AMELX: variants seen among roughly 807,000 people sequenced by gnomAD.
AMELX encodes amelogenin X-linked, also known as amelogenin, X isoform.
AMELX carries 9 observed loss-of-function variants against 15.8 expected under a neutral mutation model. The ratio of observed to expected loss-of-function variants is 0.57; its 90% CI spans 0.34 to 0.99. AMELX has a LOEUF of 0.99. AMELX is among the 50% of genes least tolerant of loss of function. AMELX has a pLI of 0.02. For synonymous variants in AMELX, 61 were observed against 58.8 expected (o/e 1.04, Z -0.17); for missense variants, 107 against 156.2 (o/e 0.68, Z 1.68).
rs373589740 is a variant in AMELX at position 11,300,666 on chromosome X, C to A, written c.*54C>A. The A allele has an allele frequency of 5.6e-5, 62 of 1,104,048 alleles. No individual in the cohort carries two copies. Among genetic ancestry groups the A allele is most frequent in the Non-Finnish European group, 7.2e-5 (58 of 806,228 alleles). The allele number at this position is 1,104,048 out of a possible 1,213,427, so 91.0% of individuals were successfully genotyped here. A position where few individuals can be genotyped will look rare whatever the true frequency, so the allele number is the denominator to read the frequency against. ...ACTTCAGATGCTTTCAGGAGTGACACAAGAACACAATGATTTTTGCTTATA... is the reference window on the plus strand; with the variant it reads ...ACTTCAGATGCTTTCAGGAGTGACAAAAGAACACAATGATTTTTGCTTATA... On this transcript the variant is annotated 3_prime_UTR_variant, in exon 6 of 6. Transcript: ENST00000380714.
chrX:11,294,768 A>T lies in AMELX; in HGVS notation c.-12-9A>T. On this transcript the variant is annotated splice_polypyrimidine_tract_variant and intron_variant, in intron 1 of 5. Transcript: ENST00000380714. The stretch of plus-strand genomic sequence containing the variant: ...AGATAAGAAAAGTGGATGTTGACTT[A>T]CATTTCAGAACCATCAAGAAATGGG... 8.3e-7 allele frequency: 1 copy of T among 1,209,552 alleles called. No individual in the cohort carries two copies. The highest frequency in any genetic ancestry group is 1.1e-6 in the Non-Finnish European group (1 of 893,480).
At chrX:11,308,588 A>G in the AMELX span, among the ~76,000 whole-genome samples, 492 of 111,461 alleles carry the variant, frequency 4.4e-3, 1 homozygote, top group African/African-American at 0.016. Context: ...CCTTGTCCCC[A>G]GTCGTCAGTC....
chrX:11,294,242 G>C (rs753353107), intron 1 of AMELX, among the ~76,000 whole-genome samples: 54 of 112,180 alleles, frequency 4.8e-4, no homozygotes, highest in Non-Finnish European at 9.4e-4. Context: ...CTGAAGTTCT[G>C]TAGATAGGAA....
chrX:11,298,343 G>A, intron 4 of AMELX, 66 bp downstream of exon 4: 1 of 1,139,201 alleles, frequency 8.8e-7, no homozygotes, highest in South Asian at 1.8e-5. Context: ...CCCATATTAA[G>A]TGAAATATCA....
downstream of AMELX, among the ~76,000 whole-genome samples, chrX:11,303,705 G>A (rs188442347): frequency 9.0e-6 from 1 of 111,484 alleles, no homozygotes; most frequent in African/African-American, 3.3e-5. Flanking sequence ...CAGGCTCTGG[G>A]GGTGTCAGTT....
intron 3 of AMELX, 121 bp from the exon 4 acceptor site, chrX:11,298,115 C>T (rs996514040): frequency 5.8e-6 from 7 of 1,210,298 alleles, no homozygotes; most frequent in Non-Finnish European, 7.8e-6. Context: ...CTCACATTCT[C>T]AGGCTATCAA....
At chrX:11,295,214 C>T (rs2048063085) in intron 2 of AMELX, among the ~76,000 whole-genome samples, 1 of 111,597 alleles carries the variant, frequency 9.0e-6, no homozygotes, top group Non-Finnish European at 1.9e-5. Context: ...ACAAATATTA[C>T]AGAGATGCCA....
chrX:11,303,405 G>A (rs1447616118), downstream of AMELX, among the ~76,000 whole-genome samples: 4 of 111,894 alleles, frequency 3.6e-5, no homozygotes, highest in African/African-American at 1.3e-4. Flanking sequence ...AATAAGATTG[G>A]GCTGGGAGTG....
Position 11,294,842 on chromosome X carries a change from T to G in AMELX, c.54T>G (p.Pro18=). The change falls in exon 2 of 6, where the codon CCT becomes CCG. Residue 18 remains proline (P), a splice_region_variant and synonymous_variant. Transcript: ENST00000380714. The part of the protein sequence containing the change: ...ACLLGAAFAM[P]LPPHPGHPGY... ...TCCTGGGAGCAGCTTTTGCCATGCC[T>G]GTGAGTAAAACACCCCTTGCATAAG... 1 of 1,211,476 alleles carries G rather than the reference T, an allele frequency of 8.3e-7. No homozygotes were observed. Among genetic ancestry groups the G allele is most frequent in the South Asian group, 1.8e-5 (1 of 56,993 alleles).
Position 11,298,956 on chromosome X carries a change from A to T in AMELX, c.553A>T (p.Thr185Ser). The change falls in exon 5 of 6, where the codon ACC (threonine) becomes TCC (serine). Residue 185 changes from threonine (T) to serine (S), a missense_variant. By Grantham distance (58) the Thr-to-Ser change is moderately conservative. Coordinates refer to ENST00000380714, the MANE Select transcript of AMELX (RefSeq NM_001142.2). Reference sequence around the variant, plus strand: ...GGAAGCTTGGCCATCAACAGACAAGACCAAGCGGGAGGAAGTGGTGAGTAT... The same window carrying T: ...GGAAGCTTGGCCATCAACAGACAAGTCCAAGCGGGAGGAAGTGGTGAGTAT... ...TLEAWPSTDK[T>S]KREEVD The T allele has an allele frequency of 2.5e-6, 3 of 1,210,134 alleles. No homozygotes were observed. Among genetic ancestry groups the T allele is most frequent in the Non-Finnish European group, 3.4e-6 (3 of 894,859 alleles).
At chrX:11,297,865 T>C (rs1455323694) in intron 3 of AMELX, among the ~76,000 whole-genome samples, 2 of 112,442 alleles carry the variant, frequency 1.8e-5, no homozygotes, top group Non-Finnish European at 3.8e-5. Context: ...TTTGTGTTTG[T>C]TTTGCTCTTA....
the AMELX span, among the ~76,000 whole-genome samples, chrX:11,307,233 A>C: frequency 9.0e-6 from 1 of 111,141 alleles, no homozygotes; most frequent in Non-Finnish European, 1.9e-5. Flanking sequence ...CGCATACAGA[A>C]AGCCCATTTC....
chrX:11,306,719 A>G, the AMELX span, among the ~76,000 whole-genome samples: 1 of 112,540 alleles, frequency 8.9e-6, no homozygotes, highest in African/African-American at 3.2e-5. Context: ...TAAACAATCT[A>G]TAGCTATTTT....
At chrX:11,294,750 A>G (rs2048052758) in intron 1 of AMELX, 27 bp from the exon 2 acceptor site, 1 of 1,198,122 alleles carries the variant, frequency 8.3e-7, no homozygotes, top group East Asian at 3.0e-5. Flanking sequence ...AAGAGATAAG[A>G]AAAGTGGATG....
intron 5 of AMELX, among the ~76,000 whole-genome samples, chrX:11,299,980 T>C (rs2048149078): frequency 8.9e-6 from 1 of 112,269 alleles, no homozygotes; most frequent in East Asian, 2.8e-4. Flanking sequence ...AAAAAAATCA[T>C]AATATATGTC....
At chrX:11,296,739 C>A in intron 2 of AMELX, 40 bp from the exon 3 acceptor site, 2 of 1,156,654 alleles carry the variant, frequency 1.7e-6, no homozygotes, top group Admixed American at 2.2e-5. Context: ...TCTCTCCCTT[C>A]CTCTCTCTTT....
intron 2 of AMELX, 122 bp downstream of exon 2, chrX:11,294,964 T>G: frequency 1.2e-6 from 1 of 800,110 alleles, no homozygotes; most frequent in Non-Finnish European, 1.9e-6. Flanking sequence ...TTCATATGTC[T>G]CTGGGTTGAA....
At chrX:11,296,884 T>A in intron 3 of AMELX, 58 bp downstream of exon 3, 2 of 1,150,014 alleles carry the variant, frequency 1.7e-6, no homozygotes, top group Non-Finnish European at 2.4e-6. Flanking sequence ...CCCTGGGCTC[T>A]GTAAAGAATA....
At chrX:11,304,291 T>C (rs983337802), downstream of AMELX, among the ~76,000 whole-genome samples, 2 of 110,406 alleles carry the variant, frequency 1.8e-5, no homozygotes, top group Admixed American at 9.6e-5. Flanking sequence ...GGTTTCACCA[T>C]GTTGGCCAGG....
Sources: gnomAD v4.1 joint callset for allele counts (sites outside exome capture counted in the v4.1 genomes callset) on GRCh38, gnomAD v4.1.1 for gene constraint, MANE v1.5 for transcripts, NCBI Gene and HGNC (gene_info 2026-07-23, HGNC 2026-07-21) for gene names.